NPAS3: variants seen among roughly 807,000 people sequenced by gnomAD.
NPAS3 encodes the protein neuronal PAS domain-containing protein 3.
NPAS3 carries 14 observed loss-of-function variants against 73.1 expected under a neutral mutation model. That is an observed-to-expected ratio of 0.19 (90% CI 0.13 to 0.30). NPAS3 has a LOEUF of 0.30. Ranked by LOEUF, NPAS3 falls within the 10% of genes least tolerant of loss-of-function variation. The pLI, the probability that NPAS3 is intolerant of heterozygous loss-of-function variation, is 1.00. For missense variants in NPAS3, 1,096 were observed against 1,250.0 expected, an observed-to-expected ratio of 0.88 and a Z score of 1.86; for synonymous variants, 620 against 541.5, an observed-to-expected ratio of 1.14 and a Z score of -2.01.
At chr14:33,269,671 G>T (rs1189358549) in intron 3 of NPAS3, among the ~76,000 whole-genome samples, 1 of 152,166 alleles carries the variant, frequency 6.6e-6, no homozygotes, top group East Asian at 1.9e-4. Flanking sequence ...AGAGGTTCCA[G>T]CTCACGAGCA....
chr14:33,209,590 C>T (rs1187989415), intron 2 of NPAS3, among the ~76,000 whole-genome samples: 2 of 152,154 alleles, frequency 1.3e-5, no homozygotes, highest in South Asian at 2.1e-4. Context: ...TTGATGGCTG[C>T]ATTTTTAATA....
intron 5 of NPAS3, among the ~76,000 whole-genome samples, chr14:33,658,659 T>C (rs921203694): frequency 6.6e-6 from 1 of 152,182 alleles, no homozygotes; most frequent in Non-Finnish European, 1.5e-5. Context: ...TCATGTCATC[T>C]ATAATTTCCT....
chr14:33,753,476 A>G (rs7157383), intron 7 of NPAS3, among the ~76,000 whole-genome samples: 10,940 of 152,120 alleles, frequency 0.072, 1,286 homozygotes, highest in African/African-American at 0.25. Context: ...TATAAATTCC[A>G]TCACTGATTT....
At position 33,057,843 on chromosome 14, in the gene NPAS3, A is replaced by C. The variant is rs138639467; in HGVS notation, c.140+1849A>C. Among the ~76,000 whole-genome samples, 939 of 152,302 alleles carry C rather than the reference A, an allele frequency of 6.2e-3. 4 individuals are homozygous for C. Among genetic ancestry groups the C allele is most frequent in the Non-Finnish European group, 9.4e-3 (640 of 68,016 alleles). On this transcript the variant is annotated intron_variant, in intron 2 of 11. Transcript: ENST00000356141. Reference sequence around the variant, plus strand: ...TGGAGTACTGTCACTGAGATGATTAATGGTGTTGTGTATTTTAGTGAAGAT... The same window carrying C: ...TGGAGTACTGTCACTGAGATGATTACTGGTGTTGTGTATTTTAGTGAAGAT...
At chr14:33,434,525 A>C (rs76461547) in intron 4 of NPAS3, among the ~76,000 whole-genome samples, 1 of 130,468 alleles carries the variant, frequency 7.7e-6, no homozygotes, top group Non-Finnish European at 1.6e-5. Flanking sequence ...ACCCCATCTC[A>C]AAAAAAAAAA....
chr14:33,564,666 C>T (rs2055836167), intron 5 of NPAS3, among the ~76,000 whole-genome samples: 4 of 152,156 alleles, frequency 2.6e-5, no homozygotes, highest in Admixed American at 2.0e-4. Flanking sequence ...ATTATCGTTG[C>T]CAGAGGCAGA....
At chr14:32,991,887 C>G (rs896216144) in intron 1 of NPAS3, among the ~76,000 whole-genome samples, 1 of 152,194 alleles carries the variant, frequency 6.6e-6, no homozygotes, top group Non-Finnish European at 1.5e-5. Flanking sequence ...GAGGGCAGAT[C>G]CGTCTCTCTC....
At chr14:33,223,696 A>G (rs1451179398) in intron 3 of NPAS3, among the ~76,000 whole-genome samples, 2 of 152,140 alleles carry the variant, frequency 1.3e-5, no homozygotes, top group African/African-American at 2.4e-5. Flanking sequence ...GGTTTCTTGA[A>G]GCCGTTTATT....
intron 2 of NPAS3, among the ~76,000 whole-genome samples, chr14:33,156,865 C>T (rs974036240): frequency 3.3e-5 from 5 of 152,094 alleles, no homozygotes; most frequent in East Asian, 3.9e-4. Flanking sequence ...TAATATATTT[C>T]GCAATGAGCT....
chr14:33,154,014 T>A (rs887903782), intron 2 of NPAS3, among the ~76,000 whole-genome samples: 17 of 152,228 alleles, frequency 1.1e-4, no homozygotes, highest in African/African-American at 3.9e-4. Context: ...GCATTCAGTG[T>A]GGGTCCAGGC....
At chr14:33,371,684 G>A (rs963368355) in intron 4 of NPAS3, among the ~76,000 whole-genome samples, 1 of 152,002 alleles carries the variant, frequency 6.6e-6, no homozygotes, top group Non-Finnish European at 1.5e-5. Context: ...ATATATCAAC[G>A]TGTCTATGTG....
intron 5 of NPAS3, among the ~76,000 whole-genome samples, chr14:33,586,248 T>TTTTTTTTTTTTGAGACGGA (rs1271344458): frequency 2.0e-5 from 3 of 150,494 alleles, no homozygotes; most frequent in African/African-American, 7.4e-5. Context: ...GATGTTTTAT[T>TTTTTTTTTTTTGAGACGGA]GACTGTTTCA....
intron 3 of NPAS3, among the ~76,000 whole-genome samples, chr14:33,275,267 T>C (rs2041278142): frequency 2.0e-5 from 3 of 152,320 alleles, no homozygotes; most frequent in South Asian, 4.1e-4. Context: ...ACTGCTCTTT[T>C]ATTACTCGTT....
chr14:33,100,286 G>C (rs1387967011), intron 2 of NPAS3, among the ~76,000 whole-genome samples: 1 of 152,146 alleles, frequency 6.6e-6, no homozygotes, highest in Admixed American at 6.5e-5. Context: ...AGTTGGGATA[G>C]AAAGAGTTCT....
intron 1 of NPAS3, among the ~76,000 whole-genome samples, chr14:33,022,664 CAAAAAA>C (rs34475386): frequency 3.1e-5 from 3 of 97,458 alleles, no homozygotes; most frequent in Non-Finnish European, 5.9e-5. Flanking sequence ...GACTCCGTCC[CAAAAAA>C]AAAAAAAAAA....
At chr14:33,231,048 G>A (rs1323984056) in intron 3 of NPAS3, among the ~76,000 whole-genome samples, 1 of 152,160 alleles carries the variant, frequency 6.6e-6, no homozygotes, top group South Asian at 2.1e-4. Context: ...TGTTACTCAA[G>A]TGTTCTTCAA....
At chr14:33,725,347 G>C (rs1369643576) in intron 6 of NPAS3, among the ~76,000 whole-genome samples, 1 of 151,998 alleles carries the variant, frequency 6.6e-6, no homozygotes, top group Non-Finnish European at 1.5e-5. Context: ...TAAAAGATTA[G>C]GCAGACACAG....
intron 7 of NPAS3, among the ~76,000 whole-genome samples, chr14:33,746,565 TA>T (rs1315351861): frequency 6.6e-6 from 1 of 151,874 alleles, no homozygotes; most frequent in East Asian, 1.9e-4. Context: ...GTAACACTAT[TA>T]TTCTAAATAA....
At chr14:33,790,812 G>A (rs1236013645) in intron 9 of NPAS3, among the ~76,000 whole-genome samples, 2 of 152,166 alleles carry the variant, frequency 1.3e-5, no homozygotes, top group Admixed American at 6.5e-5. Context: ...GGGATTACAA[G>A]TGCACACCAC....
Sources: gnomAD v4.1 joint callset for allele counts (sites outside exome capture counted in the v4.1 genomes callset) on GRCh38, gnomAD v4.1.1 for gene constraint, MANE v1.5 for transcripts, NCBI Gene and HGNC (gene_info 2026-07-23, HGNC 2026-07-21) for gene names.